The following SYT16 variants were observed in gnomAD, a reference collection of about 807,000 sequenced individuals.
SYT16 encodes synaptotagmin 16, also known as synaptotagmin-16.
In SYT16, 42 loss-of-function variants were observed where a neutral mutation model predicts 61.4. That is an observed-to-expected ratio of 0.68 (90% CI 0.53 to 0.89). SYT16 has a LOEUF of 0.89. SYT16 is among the 40% of genes least tolerant of loss of function. The pLI, the probability that SYT16 is intolerant of heterozygous loss-of-function variation, is 0.00. For synonymous variants in SYT16, 314 were observed against 302.3 expected (o/e 1.04, Z -0.40); for missense variants, 804 against 807.3 (o/e 1.00, Z 0.05).
At chr14:62,053,784 A>G (rs1194973829) in intron 3 of SYT16, among the ~76,000 whole-genome samples, 3 of 152,218 alleles carry the variant, frequency 2.0e-5, no homozygotes, top group African/African-American at 7.2e-5. Flanking sequence ...TCTGTATGAC[A>G]ATTATGAAAA....
chr14:61,833,635 G>T (rs1274385482), intron 1 of SYT16, among the ~76,000 whole-genome samples: 1 of 145,538 alleles, frequency 6.9e-6, no homozygotes, highest in Non-Finnish European at 1.5e-5. Flanking sequence ...GGCCAGGCTG[G>T]TCTTGAACTC....
intron 3 of SYT16, among the ~76,000 whole-genome samples, chr14:62,062,986 A>G (rs2055894536): frequency 6.6e-6 from 1 of 152,216 alleles, no homozygotes; most frequent in Non-Finnish European, 1.5e-5. Flanking sequence ...GACAGGCTCA[A>G]GAAATCCTCT....
chr14:61,859,150 C>T (rs931060034), intron 1 of SYT16, among the ~76,000 whole-genome samples: 4 of 152,034 alleles, frequency 2.6e-5, no homozygotes, highest in Non-Finnish European at 5.9e-5. Flanking sequence ...TGAGCCACCG[C>T]GCCCGGCCAG....
intron 1 of SYT16, among the ~76,000 whole-genome samples, chr14:61,923,465 A>C (rs1375848537): frequency 1.3e-5 from 2 of 152,212 alleles, no homozygotes; most frequent in Admixed American, 6.5e-5. Flanking sequence ...AGAATCAAGC[A>C]ACCATTCCAG....
intron 1 of SYT16, among the ~76,000 whole-genome samples, chr14:61,919,705 C>G (rs192563427): frequency 2.0e-5 from 1 of 49,006 alleles, no homozygotes; most frequent in East Asian, 6.4e-4. Flanking sequence ...TTAAGGTCAT[C>G]TGATTAGCAA....
intron 1 of SYT16, among the ~76,000 whole-genome samples, chr14:61,833,309 T>G (rs1420382767): frequency 6.6e-6 from 1 of 151,056 alleles, no homozygotes; most frequent in Admixed American, 6.6e-5. Flanking sequence ...TTTTTTTTTT[T>G]GAGACGGAGT....
chr14:61,848,930 G>A (rs989683814), intron 1 of SYT16, among the ~76,000 whole-genome samples: 1 of 152,124 alleles, frequency 6.6e-6, no homozygotes, highest in African/African-American at 2.4e-5. Context: ...CAAACCTGAA[G>A]CCAGCATGTC....
intron 1 of SYT16, among the ~76,000 whole-genome samples, chr14:61,901,365 C>G (rs1410630618): frequency 3.3e-5 from 5 of 152,168 alleles, no homozygotes; most frequent in Non-Finnish European, 7.3e-5. Context: ...TATTCACTCA[C>G]TGAATCCTCC....
intron 1 of SYT16, among the ~76,000 whole-genome samples, chr14:61,855,562 G>T (rs2046747405): frequency 6.6e-6 from 1 of 152,128 alleles, no homozygotes; most frequent in African/African-American, 2.4e-5. Flanking sequence ...TGAGAAACAG[G>T]ATGGTTTTGT....
At chr14:62,032,832 G>A (rs2054360650) in intron 3 of SYT16, among the ~76,000 whole-genome samples, 1 of 150,710 alleles carries the variant, frequency 6.6e-6, no homozygotes, top group Non-Finnish European at 1.5e-5. Flanking sequence ...CTTTTTTTTT[G>A]TTACAGCCCA....
chr14:62,034,046 A>G (rs1001511202), intron 3 of SYT16, among the ~76,000 whole-genome samples: 1 of 152,212 alleles, frequency 6.6e-6, no homozygotes, highest in Non-Finnish European at 1.5e-5. Context: ...GAGAACTTGA[A>G]TATGTCTATT....
intron 5 of SYT16, among the ~76,000 whole-genome samples, chr14:62,080,567 A>G (rs1041652365): frequency 2.6e-5 from 4 of 152,230 alleles, no homozygotes; most frequent in South Asian, 2.1e-4. Context: ...GGCAGTATAT[A>G]TGAAAACACT....
chr14:61,918,315 T>G (rs1566679272), intron 1 of SYT16, among the ~76,000 whole-genome samples: 1 of 152,122 alleles, frequency 6.6e-6, no homozygotes, highest in Non-Finnish European at 1.5e-5. Context: ...AATATGGCAT[T>G]CTGGAACCAA....
chr14:61,917,722 T>A (rs1286383071), intron 1 of SYT16, among the ~76,000 whole-genome samples: 1 of 152,184 alleles, frequency 6.6e-6, no homozygotes, highest in African/African-American at 2.4e-5. Flanking sequence ...AGAACAAGGC[T>A]GTTCTAATTA....
chr14:61,822,942 T>C (rs1482076868), intron 1 of SYT16, among the ~76,000 whole-genome samples: 5 of 152,216 alleles, frequency 3.3e-5, no homozygotes, highest in Non-Finnish European at 7.3e-5. Flanking sequence ...TGAGGCATTA[T>C]ATGGGCATAG....
At chr14:62,024,173 T>C (rs1341920834) in intron 3 of SYT16, among the ~76,000 whole-genome samples, 1 of 152,108 alleles carries the variant, frequency 6.6e-6, no homozygotes, top group African/African-American at 2.4e-5. Flanking sequence ...ATATAATATT[T>C]GGACAAAGGT....
At chr14:61,996,612 GT>G in intron 3 of SYT16, 70 bp downstream of exon 3, 1 of 1,502,456 alleles carries the variant, frequency 6.7e-7, no homozygotes, top group Admixed American at 2.3e-5. Context: ...ATTTTGACTT[GT>G]TTTTAGTTAT....
chr14:61,882,529 T>G (rs2140321333), intron 1 of SYT16, among the ~76,000 whole-genome samples: 1 of 152,258 alleles, frequency 6.6e-6, no homozygotes, highest in East Asian at 1.9e-4. Flanking sequence ...CCTTAACACA[T>G]GGGGATTACA....
At chr14:62,052,709 C>G (rs2055364297) in intron 3 of SYT16, among the ~76,000 whole-genome samples, 1 of 152,092 alleles carries the variant, frequency 6.6e-6, no homozygotes, top group African/African-American at 2.4e-5. Flanking sequence ...AGGTGGAGCC[C>G]TCATGAGTGG....
Sources: allele counts gnomAD v4.1 joint callset (sites outside exome capture counted in the v4.1 genomes callset), GRCh38; gene constraint gnomAD v4.1.1; transcripts MANE v1.5; gene names NCBI Gene and HGNC (gene_info 2026-07-23, HGNC 2026-07-21).